The following LNX2 variants were observed in gnomAD, a reference collection of about 807,000 sequenced individuals.
The protein encoded by LNX2 is ligand of numb-protein X 2.
A neutral mutation model predicts 66.2 loss-of-function variants in LNX2; 35 were observed. The observed-to-expected ratio is 0.53, with a 90% CI of 0.40 to 0.70. The LOEUF is 0.70. Ranked by LOEUF, LNX2 falls within the 30% of genes least tolerant of loss-of-function variation. The probability of loss-of-function intolerance (pLI) is 0.00; values close to 1 mark genes in which losing one functional copy is unlikely to be tolerated. For missense variants in LNX2, 791 were observed against 850.8 expected (o/e 0.93, Z 0.87); for synonymous variants, 337 against 315.6 (o/e 1.07, Z -0.72).
intron 1 of LNX2, among the ~76,000 whole-genome samples, chr13:27,595,825 CT>C (rs1487587709): frequency 5.9e-5 from 9 of 152,314 alleles, no homozygotes; most frequent in African/African-American, 1.9e-4. Flanking sequence ...GCCACCTCCC[CT>C]AATGGTATTT....
intron 2 of LNX2, 146 bp from the exon 3 acceptor site, chr13:27,569,422 C>G: frequency 6.6e-6 from 5 of 761,122 alleles, no homozygotes; most frequent in Non-Finnish European, 1.1e-5. Flanking sequence ...TCCTAATCTC[C>G]ACTCACACTA....
chr13:27,585,905 CA>C (rs1566125830), intron 1 of LNX2, among the ~76,000 whole-genome samples: 1 of 151,294 alleles, frequency 6.6e-6, no homozygotes, highest in East Asian at 1.9e-4. Flanking sequence ...TTCATTTTAT[CA>C]AAAAACTTTT....
At chr13:27,601,356 G>T (rs150389885) in intron 1 of LNX2, among the ~76,000 whole-genome samples, 1 of 152,182 alleles carries the variant, frequency 6.6e-6, no homozygotes, top group Non-Finnish European at 1.5e-5. Flanking sequence ...AAATAAGAAA[G>T]ACATTATATA....
intron 4 of LNX2, among the ~76,000 whole-genome samples, chr13:27,567,294 G>A (rs60149228): frequency 0.025 from 3,735 of 152,104 alleles, 163 homozygotes; most frequent in African/African-American, 0.085. Context: ...ATACCAATGA[G>A]ATGATAATTT....
intron 8 of LNX2, 142 bp downstream of exon 8, chr13:27,553,066 T>C (rs1955023049): frequency 1.5e-6 from 1 of 668,514 alleles, no homozygotes; most frequent in Non-Finnish European, 2.6e-6. Flanking sequence ...TCCTTTTCTT[T>C]TGTAATTTGA....
At chr13:27,555,559 A>AT (rs1173917615) in intron 7 of LNX2, among the ~76,000 whole-genome samples, 1 of 152,188 alleles carries the variant, frequency 6.6e-6, no homozygotes, top group Admixed American at 6.5e-5. Context: ...CTACTGCCTA[A>AT]TCCAAGGTCA....
At chr13:27,591,937 G>C (rs999583172) in intron 1 of LNX2, among the ~76,000 whole-genome samples, 1 of 152,172 alleles carries the variant, frequency 6.6e-6, no homozygotes, top group African/African-American at 2.4e-5. Flanking sequence ...CAGGTATCTG[G>C]TGTAAAAATG....
chr13:27,584,511 C>A (rs1189083360), intron 1 of LNX2, among the ~76,000 whole-genome samples: 2 of 151,718 alleles, frequency 1.3e-5, no homozygotes, highest in African/African-American at 2.4e-5. Context: ...CATGGTGAGA[C>A]CCTGTCTCCA....
chr13:27,615,728 T>C (rs552260573), intron 1 of LNX2, among the ~76,000 whole-genome samples: 1 of 152,192 alleles, frequency 6.6e-6, no homozygotes, highest in African/African-American at 2.4e-5. Flanking sequence ...CATATATATA[T>C]TTCACAACAT....
chr13:27,559,819 TAAAAA>T lies in LNX2; in HGVS notation c.1368+18_1368+22del. On this transcript the variant is annotated intron_variant, in intron 6 of 9. Transcript: ENST00000316334. ...TAACAATGATCCTTTGATGGTGGCATAAAAAAAAAAAAAAATCCTCACCTTATGTG... is the reference window on the plus strand; with the variant it reads ...TAACAATGATCCTTTGATGGTGGCATAAAAAAAAAATCCTCACCTTATGTG... The T allele has an allele frequency of 2.3e-6, 3 of 1,333,104 alleles. No homozygotes were observed. The highest frequency in any genetic ancestry group is 2.0e-6 in the Non-Finnish European group (2 of 999,584). The allele number at this position is 1,333,104 out of a possible 1,614,324, so 82.6% of individuals were successfully genotyped here. A position where few individuals can be genotyped will look rare whatever the true frequency, so the allele number is the denominator to read the frequency against.
Position 27,562,591 on chromosome 13 carries a change from T to G in LNX2, c.1046A>C (p.Glu349Ala), listed in dbSNP as rs1211060388. 9 of 1,614,166 alleles carry G rather than the reference T, an allele frequency of 5.6e-6. No individual in the cohort carries two copies. Among genetic ancestry groups the G allele is most frequent in the Non-Finnish European group, 6.8e-6 (8 of 1,180,030 alleles). ...QVALHKRDSGEQLGIKLVRRT... is the reference protein window; with the variant it reads ...QVALHKRDSGAQLGIKLVRRT... ...TCGCACCAATTTAATGCCAAGCTGTTCACCAGAGTCCCGTTTATGAAGAGC... is the reference window on the plus strand; with the variant it reads ...TCGCACCAATTTAATGCCAAGCTGTGCACCAGAGTCCCGTTTATGAAGAGC... Residue 349 changes from glutamate to alanine, a missense_variant, in exon 5 of 10, where the codon GAA (glutamate) becomes GCA (alanine). Transcript: ENST00000316334.
Position 27,615,338 on chromosome 13 carries a change from G to A in LNX2, c.-101+5037C>T, listed in dbSNP as rs189932135. Among the ~76,000 whole-genome samples the A allele has an allele frequency of 6.2e-4, 94 of 152,346 alleles. No individual in the cohort carries two copies. In the East Asian group the frequency reaches 7.1e-3, roughly 12 times the overall value. ...TGAAGAGATGCACAGGGCGAGGTAC[G>A]GGGAAGGGGTGCGGAGCGTCCATGC... On this transcript the variant is annotated intron_variant, in intron 1 of 9. Coordinates refer to ENST00000316334, the MANE Select transcript of LNX2 (RefSeq NM_153371.4).
At chr13:27,616,955 T>C (rs1262232995) in intron 1 of LNX2, among the ~76,000 whole-genome samples, 1 of 152,164 alleles carries the variant, frequency 6.6e-6, no homozygotes, top group Non-Finnish European at 1.5e-5. Flanking sequence ...TTCACTGTGT[T>C]GGCCAGGCTG....
At chr13:27,588,711 A>T (rs1284198931) in intron 1 of LNX2, among the ~76,000 whole-genome samples, 1 of 152,222 alleles carries the variant, frequency 6.6e-6, no homozygotes, top group South Asian at 2.1e-4. Context: ...TCACAAAATA[A>T]AAAGTTTAAT....
rs150406103 is a variant in LNX2 at position 27,565,185 on chromosome 13, G to T, written c.856-2404C>A. 5.1e-3 allele frequency among the ~76,000 whole-genome samples: 781 copies of T among 152,208 alleles called. 8 individuals are homozygous for T. Among genetic ancestry groups the T allele is most frequent in the African/African-American group, 0.018 (734 of 41,538 alleles). On this transcript the variant is annotated intron_variant, in intron 4 of 9. Coordinates refer to ENST00000316334, the MANE Select transcript of LNX2 (RefSeq NM_153371.4). ...TAATTTCAGATAATTACAATCTTTT[G>T]AGGTCTAAAGATTCAGTAGTGTTAA...
At chr13:27,550,255 G>GCTGACCC (rs949600909) in intron 9 of LNX2, 78 bp downstream of exon 9, 1 of 1,285,430 alleles carries the variant, frequency 7.8e-7, no homozygotes, top group Admixed American at 2.1e-5. Flanking sequence ...TGGATTTAGT[G>GCTGACCC]CTGACCCCTG....
upstream of LNX2, chr13:27,621,069 G>T: frequency 6.5e-6 from 1 of 153,494 alleles, no homozygotes. Flanking sequence ...CCGGGACGCA[G>T]GGAGCTGGAT....
intron 5 of LNX2, among the ~76,000 whole-genome samples, chr13:27,560,198 C>A (rs1190316241): frequency 6.6e-6 from 1 of 152,142 alleles, no homozygotes; most frequent in South Asian, 2.1e-4. Context: ...ACACAAAAAT[C>A]TTGGGCATGC....
In LNX2 at chr13:27,548,211, GT is replaced by G; in HGVS notation, c.*123del. Reference sequence around the variant, plus strand: ...AAACATAAACGGACAATCTTAGTGGGTTTTGGCCCTGTGTATACCAGCAGTG... The same window carrying G: ...AAACATAAACGGACAATCTTAGTGGGTTTGGCCCTGTGTATACCAGCAGTG... On this transcript the variant is annotated 3_prime_UTR_variant, in exon 10 of 10. Coordinates refer to ENST00000316334, the MANE Select transcript of LNX2 (RefSeq NM_153371.4). The G allele has an allele frequency of 1.2e-6, 1 of 804,674 alleles. No individual in the cohort carries two copies. The allele number at this position is 804,674 out of a possible 1,614,324, so 49.8% of individuals were successfully genotyped here.
Sources: allele counts gnomAD v4.1 joint callset (sites outside exome capture counted in the v4.1 genomes callset), GRCh38; gene constraint gnomAD v4.1.1; transcripts MANE v1.5; gene names NCBI Gene and HGNC (gene_info 2026-07-23, HGNC 2026-07-21).